POLB: variants seen among roughly 807,000 people sequenced by gnomAD.
POLB encodes the protein DNA polymerase beta.
In POLB, 37 loss-of-function variants were observed where a neutral mutation model predicts 52.7. That is an observed-to-expected ratio of 0.70 (90% confidence interval 0.54 to 0.92). The LOEUF (loss-of-function observed/expected upper bound fraction) is 0.92. Ranked by LOEUF, POLB falls within the 40% of genes least tolerant of loss-of-function variation. The pLI, the probability that POLB is intolerant of heterozygous loss-of-function variation, is 0.00. For missense variants in POLB, 313 were observed against 400.8 expected, an observed-to-expected ratio of 0.78 and a Z score of 1.87; for synonymous variants, 138 against 131.3, an observed-to-expected ratio of 1.05 and a Z score of -0.35.
rs1344902075 is a variant in POLB at position 42,369,941 on chromosome 8, A to G, written c.866A>G (p.Lys289Arg). 6.2e-7 allele frequency: 1 copy of G among 1,609,548 alleles called. No individual in the cohort carries two copies. Among genetic ancestry groups the G allele is most frequent in the South Asian group, 1.1e-5 (1 of 90,924 alleles). The stretch of plus-strand genomic sequence containing the variant: ...AATATGAGGGCTCATGCCCTAGAAA[A>G]GGGTTTCACAATCAATGAGTACACC... ...NKNMRAHALE[K>R]GFTINEYTIR... The change falls in exon 13 of 14, where the codon AAG becomes AGG. Residue 289 changes from lysine (K) to arginine (R), a missense_variant. Physicochemically the swap from Lys to Arg is conservative, Grantham distance 26. Coordinates refer to ENST00000265421, the MANE Select transcript of POLB (RefSeq NM_002690.3).
intron 6 of POLB, 47 bp downstream of exon 6, chr8:42,352,615 A>C: frequency 3.2e-5 from 35 of 1,095,766 alleles, no homozygotes; most frequent in Non-Finnish European, 4.4e-5. Context: ...TATGGTCCTG[A>C]AGGACCATTA....
intron 2 of POLB, among the ~76,000 whole-genome samples, chr8:42,341,452 T>C (rs554107629): frequency 1.3e-5 from 2 of 152,378 alleles, no homozygotes; most frequent in East Asian, 3.9e-4. Context: ...TAAAGGGTTA[T>C]TTGTGCTATA....
chr8:42,339,194 C>T, intron 2 of POLB, 125 bp downstream of exon 2: 1 of 762,788 alleles, frequency 1.3e-6, no homozygotes, highest in Non-Finnish European at 2.4e-6. Context: ...AAGCAAGAAT[C>T]GAGGCTGGTA....
intron 9 of POLB, among the ~76,000 whole-genome samples, chr8:42,358,967 T>G (rs1194543749): frequency 6.6e-6 from 1 of 152,222 alleles, no homozygotes; most frequent in African/African-American, 2.4e-5. Context: ...AAATGTAGAT[T>G]TGGAAGCACA....
At chr8:42,361,591 C>T (rs1451682480) in intron 10 of POLB, 2 of 507,934 alleles carry the variant, frequency 3.9e-6, no homozygotes, top group African/African-American at 1.9e-5. Context: ...AAAGAGAAAA[C>T]ATTGAATACA....
intron 13 of POLB, 80 bp downstream of exon 13, chr8:42,370,068 C>T (rs1563410794): frequency 9.2e-7 from 1 of 1,091,318 alleles, no homozygotes; most frequent in Admixed American, 1.7e-5. Context: ...GTTTAGCAAA[C>T]CTTCTAATAA....
chr8:42,342,372 C>T (rs962944147), intron 2 of POLB: 41 of 1,492,384 alleles, frequency 2.7e-5, no homozygotes, highest in Non-Finnish European at 3.6e-5. Context: ...GGCCAACCTT[C>T]ACACCATATT....
At position 42,357,410 on chromosome 8, in the gene POLB, C is replaced by T; in HGVS notation, c.550+18C>T. ...CAGAAGAGGTAACATACTTCCTAAT[C>T]TTGGGTTATTTTTGCCCTGATGTTA... On this transcript the variant is annotated intron_variant, in intron 9 of 13. Coordinates refer to ENST00000265421, the MANE Select transcript of POLB (RefSeq NM_002690.3). The T allele has an allele frequency of 7.2e-7, 1 of 1,392,224 alleles. No homozygotes were observed. Among genetic ancestry groups the T allele is most frequent in the Non-Finnish European group, 1.0e-6 (1 of 986,090 alleles). 86.2% of individuals were successfully genotyped at this position (1,392,224 alleles called of 1,614,324 possible). A position where few individuals can be genotyped will look rare whatever the true frequency, so the allele number is the denominator to read the frequency against.
chr8:42,371,400 G>A (rs1554538185), intron 13 of POLB, among the ~76,000 whole-genome samples, 163 bp from the exon 14 acceptor site: 1 of 152,108 alleles, frequency 6.6e-6, no homozygotes, highest in Non-Finnish European at 1.5e-5. Context: ...TGGGATTACA[G>A]GCGTGAGCTA....
In POLB at chr8:42,345,070, G is replaced by GT. The variant is rs767197743; in HGVS notation, c.186+52dup. ...AAGAGTTCACACGTGTCCAAATTTG[G>GT]TGGGTTCCCACCAAACCAAACTTGC... On this transcript the variant is annotated intron_variant, in intron 3 of 13. Transcript: ENST00000265421. The GT allele has an allele frequency of 3.8e-6, 5 of 1,322,372 alleles. No homozygotes were observed. In the South Asian group the frequency reaches 4.8e-5, roughly 13 times the overall value. 81.9% of individuals were successfully genotyped at this position (1,322,372 alleles called of 1,614,324 possible).
chr8:42,340,120 A>T (rs535565538), intron 2 of POLB: 2 of 152,184 alleles, frequency 1.3e-5, no homozygotes, highest in African/African-American at 4.8e-5. Context: ...TCTCTGTGGC[A>T]TTCACCCCTG....
At chr8:42,349,885 G>A (rs1367914913) in intron 4 of POLB, 122 bp from the exon 5 acceptor site, 2 of 685,920 alleles carry the variant, frequency 2.9e-6, no homozygotes, top group East Asian at 5.3e-5. Context: ...ATTTTGTGTG[G>A]GTCACCCAGG....
chr8:42,351,465 G>A (rs953074888), intron 5 of POLB, among the ~76,000 whole-genome samples: 5 of 152,186 alleles, frequency 3.3e-5, no homozygotes, highest in Non-Finnish European at 7.3e-5. Flanking sequence ...ATTTCTTTCT[G>A]TTCACCGCTC....
chr8:42,338,516 A>G lies in POLB; in HGVS notation c.-109A>G. ...ACCATTGTTCCGCCGGTCGCGCCGG[A>G]GCTGGGTTGCTCCTGCTCCCGTCTC... On this transcript the variant is annotated 5_prime_UTR_variant, in exon 1 of 14. Coordinates refer to ENST00000265421, the MANE Select transcript of POLB (RefSeq NM_002690.3). 3 of 939,322 alleles carry G rather than the reference A, an allele frequency of 3.2e-6. No homozygotes were observed. Among genetic ancestry groups the G allele is most frequent in the Non-Finnish European group, 5.2e-6 (3 of 578,426 alleles). 58.2% of individuals were successfully genotyped at this position (939,322 alleles called of 1,614,324 possible).
intron 6 of POLB, among the ~76,000 whole-genome samples, chr8:42,354,793 C>T (rs1316357882): frequency 6.6e-6 from 1 of 152,026 alleles, no homozygotes; most frequent in Non-Finnish European, 1.5e-5. Context: ...CCTCCCACCT[C>T]AGCCTCCCAA....
intron 11 of POLB, among the ~76,000 whole-genome samples, chr8:42,363,119 G>T (rs1248758037): frequency 1.4e-5 from 2 of 145,358 alleles, no homozygotes; most frequent in African/African-American, 2.5e-5. Flanking sequence ...GAGAAACTCC[G>T]CCAAAAAAAA....
intron 3 of POLB, 70 bp downstream of exon 3, chr8:42,345,089 A>G: frequency 1.0e-6 from 1 of 956,842 alleles, no homozygotes; most frequent in South Asian, 1.4e-5. Flanking sequence ...CACCAAACCA[A>G]ACTTGCCTGT....
chr8:42,339,226 G>A lies in POLB; in HGVS notation c.119+157G>A, dbSNP rs867200633. 3 of 671,918 alleles carry A rather than the reference G, an allele frequency of 4.5e-6. No homozygotes were observed. The South Asian group carries it at 5.0e-5, about 11-fold the overall frequency. The allele number at this position is 671,918 out of a possible 1,614,324, so 41.6% of individuals were successfully genotyped here. ...GGTACCTTACTATTTCTTGAAGAAT[G>A]TGGGCAGTGCGTTATAGGATCAGTT... On this transcript the variant is annotated intron_variant, in intron 2 of 13. Transcript: ENST00000265421.
At chr8:42,345,410 CG>C (rs1486419561) in intron 3 of POLB, among the ~76,000 whole-genome samples, 1 of 152,072 alleles carries the variant, frequency 6.6e-6, no homozygotes, top group Non-Finnish European at 1.5e-5. Flanking sequence ...AGTGGGAGTG[CG>C]TGTTCCCCAG....
Sources: gnomAD v4.1 joint callset for allele counts (sites outside exome capture counted in the v4.1 genomes callset) on GRCh38, gnomAD v4.1.1 for gene constraint, MANE v1.5 for transcripts, NCBI Gene and HGNC (gene_info 2026-07-23, HGNC 2026-07-21) for gene names.